GRM8: variants seen among roughly 807,000 people sequenced by gnomAD.
GRM8 encodes the protein metabotropic glutamate receptor 8.
In GRM8, 47 loss-of-function variants were observed where a neutral mutation model predicts 87.2. The ratio of observed to expected loss-of-function variants is 0.54; its 90% CI spans 0.43 to 0.69. The LOEUF (loss-of-function observed/expected upper bound fraction) is 0.69. GRM8 is among the 30% of genes least tolerant of loss of function. The pLI is 0.00. For synonymous variants in GRM8, 396 were observed against 404.5 expected (o/e 0.98, Z 0.25); for missense variants, 1,019 against 1,139.2 (o/e 0.89, Z 1.52).
rs138985243 is a variant in GRM8, at chr7:126,685,243, G to A, written c.1358-75745C>T. Among the ~76,000 whole-genome samples, 428 of 152,278 alleles carry A rather than the reference G, an allele frequency of 2.8e-3. 7 individuals are homozygous for A. Among genetic ancestry groups the A allele is most frequent in the African/African-American group, 9.8e-3 (407 of 41,572 alleles). On this transcript the variant is annotated intron_variant, in intron 7 of 10. Coordinates refer to ENST00000339582, the MANE Select transcript of GRM8 (RefSeq NM_000845.3). This position sits in a 1 kb window ranked among gnomAD's most constrained non-coding sequence, Gnocchi z 4.2. Reference sequence around the variant, plus strand: ...CTACCACCCTGGGGGCCACCATGATGGGGCCGGGCCAAGTTGCCTACAGGC... The same window carrying A: ...CTACCACCCTGGGGGCCACCATGATAGGGCCGGGCCAAGTTGCCTACAGGC...
intron 6 of GRM8, among the ~76,000 whole-genome samples, chr7:126,825,427 T>C (rs1290791137): frequency 6.6e-6 from 1 of 152,184 alleles, no homozygotes; most frequent in Non-Finnish European, 1.5e-5. Context: ...CTTATTACTA[T>C]TGTTATACCT....
At chr7:127,131,460 A>T (rs1827685964) in intron 2 of GRM8, among the ~76,000 whole-genome samples, 2 of 152,162 alleles carry the variant, frequency 1.3e-5, no homozygotes, top group Non-Finnish European at 2.9e-5. Flanking sequence ...AATTTTTTAA[A>T]CTATTTATCT....
chr7:127,104,267 GT>G (rs760407130), intron 3 of GRM8, among the ~76,000 whole-genome samples: 160 of 151,498 alleles, frequency 1.1e-3, no homozygotes, highest in African/African-American at 3.1e-3. Flanking sequence ...AGCTACTGAG[GT>G]TTTTTTTTAA....
chr7:126,609,247 T>C (rs1798670325), intron 8 of GRM8, 115 bp downstream of exon 8: 2 of 675,036 alleles, frequency 3.0e-6, no homozygotes, highest in African/African-American at 1.8e-5. Flanking sequence ...AGTCATACAT[T>C]TTCTAAGAGT....
rs1805710394 is a variant in GRM8, at chr7:126,931,020, C to T, written c.728-26337G>A. Among the ~76,000 whole-genome samples, 2 of 152,070 alleles carry T rather than the reference C, an allele frequency of 1.3e-5. 1 individual carries two copies. Among genetic ancestry groups the T allele is most frequent in the Admixed American group, 1.3e-4 (2 of 15,270 alleles). Reference sequence around the variant, plus strand: ...TTTTGAAGTTTTCAGGAAATCCTCTCAAGGGCAGTGAAACAATTTGTCTGT... The same window carrying T: ...TTTTGAAGTTTTCAGGAAATCCTCTTAAGGGCAGTGAAACAATTTGTCTGT... On this transcript the variant is annotated intron_variant, in intron 3 of 10. Transcript: ENST00000339582.
intron 3 of GRM8, among the ~76,000 whole-genome samples, chr7:126,989,592 A>G (rs1812433047): frequency 2.6e-5 from 4 of 152,092 alleles, no homozygotes; most frequent in Admixed American, 2.6e-4. Context: ...CCTGACACGC[A>G]CTACTGTATC....
intron 3 of GRM8, among the ~76,000 whole-genome samples, chr7:126,976,463 G>A (rs1810996695): frequency 6.6e-6 from 1 of 152,046 alleles, no homozygotes; most frequent in South Asian, 2.1e-4. Context: ...GCATGGTGGT[G>A]GGCATCTGTG....
chr7:126,787,881 T>G lies in GRM8; in HGVS notation c.1157-17816A>C, dbSNP rs149936959. On this transcript the variant is annotated intron_variant, in intron 6 of 10. Coordinates refer to ENST00000339582, the MANE Select transcript of GRM8 (RefSeq NM_000845.3). ...AAATGTAATTTTTAGTTAATTTCAC[T>G]AATATTCAGAGAAATTCCTAAAACT... Among the ~76,000 whole-genome samples the G allele has an allele frequency of 1.7e-3, 266 of 152,330 alleles. 1 individual carries two copies. The highest frequency in any genetic ancestry group is 6.3e-3 in the African/African-American group (260 of 41,586).
At chr7:127,141,063 T>C (rs1828231698) in intron 2 of GRM8, among the ~76,000 whole-genome samples, 4 of 152,100 alleles carry the variant, frequency 2.6e-5, no homozygotes, top group Admixed American at 2.6e-4. Context: ...TATTACCTTC[T>C]TTGGAGGTGA....
chr7:126,515,280 G>A (rs1812007367), intron 9 of GRM8, among the ~76,000 whole-genome samples: 1 of 152,004 alleles, frequency 6.6e-6, no homozygotes, highest in East Asian at 1.9e-4. Context: ...AATATGCCAT[G>A]TTTCAAATTG....
intron 3 of GRM8, among the ~76,000 whole-genome samples, chr7:127,008,377 T>C (rs1814531954): frequency 6.6e-6 from 1 of 152,186 alleles, no homozygotes; most frequent in Non-Finnish European, 1.5e-5. Context: ...TATAAGAATA[T>C]GAAAGAAGAA....
chr7:126,516,301 C>A (rs986616495), intron 9 of GRM8, among the ~76,000 whole-genome samples: 3 of 151,750 alleles, frequency 2.0e-5, no homozygotes, highest in Admixed American at 2.0e-4. Context: ...ATAACATCTG[C>A]ATTTCTATTT....
At chr7:127,208,701 T>C (rs1168109867) in intron 2 of GRM8, among the ~76,000 whole-genome samples, 1 of 152,194 alleles carries the variant, frequency 6.6e-6, no homozygotes, top group Non-Finnish European at 1.5e-5. Flanking sequence ...CTTGTTCATC[T>C]CAACTCTCGC....
intron 6 of GRM8, among the ~76,000 whole-genome samples, chr7:126,785,389 T>A (rs1749527994): frequency 6.6e-6 from 1 of 152,096 alleles, no homozygotes; most frequent in African/African-American, 2.4e-5. Context: ...CACACACCAA[T>A]GCTACCTAGG....
At chr7:126,621,927 C>T (rs1350997871) in intron 7 of GRM8, among the ~76,000 whole-genome samples, 2 of 152,128 alleles carry the variant, frequency 1.3e-5, no homozygotes, top group African/African-American at 2.4e-5. Flanking sequence ...GCTTCGCTCC[C>T]ATGATAGTGA....
intron 7 of GRM8, among the ~76,000 whole-genome samples, chr7:126,691,576 G>GCTC (rs1051844948): frequency 3.3e-5 from 5 of 152,148 alleles, no homozygotes; most frequent in Admixed American, 1.3e-4. Context: ...CAGTGTCATG[G>GCTC]CAACAGCCAC....
At chr7:126,584,913 G>A (rs918918673) in intron 8 of GRM8, among the ~76,000 whole-genome samples, 5 of 151,938 alleles carry the variant, frequency 3.3e-5, no homozygotes, top group Non-Finnish European at 7.4e-5. Context: ...AAAATAAGTG[G>A]TTATTATATG....
At chr7:126,964,825 T>C (rs1244419095) in intron 3 of GRM8, among the ~76,000 whole-genome samples, 1 of 152,114 alleles carries the variant, frequency 6.6e-6, no homozygotes, top group East Asian at 1.9e-4. Context: ...ACCCAAACGA[T>C]TATAAATCAT....
intron 2 of GRM8, among the ~76,000 whole-genome samples, chr7:127,184,802 A>T (rs1254868018): frequency 2.6e-5 from 4 of 151,994 alleles, no homozygotes; most frequent in African/African-American, 9.7e-5. Flanking sequence ...ATAGAAGGTT[A>T]ATATACAAAA....
Sources: allele counts gnomAD v4.1 joint callset (sites outside exome capture counted in the v4.1 genomes callset), GRCh38; gene constraint gnomAD v4.1.1; non-coding constraint Gnocchi (gnomAD v3.1); transcripts MANE v1.5; gene names NCBI Gene and HGNC (gene_info 2026-07-23, HGNC 2026-07-21).